ZGRF1: variants seen among roughly 807,000 people sequenced by gnomAD.
ZGRF1 encodes 5'-3' DNA helicase ZGRF1.
In ZGRF1, 196 loss-of-function variants were observed where a neutral mutation model predicts 203.5. The observed-to-expected ratio is 0.96, with a 90% CI of 0.86 to 1.08. The LOEUF is 1.08. Among genes scored for constraint, ZGRF1 ranks in the 50% least tolerant of loss-of-function variants. The probability of loss-of-function intolerance (pLI) is 0.00; values close to 1 mark genes in which losing one functional copy is unlikely to be tolerated. For missense variants in ZGRF1, 2,326 were observed against 2,416.3 expected (o/e 0.96, Z 0.78); for synonymous variants, 809 against 841.3 (o/e 0.96, Z 0.66).
rs78137362 is a variant in ZGRF1, at chr4:112,593,268, A to G, written c.2977-3394T>C. On this transcript the variant is annotated intron_variant, in intron 10 of 27. Transcript: ENST00000505019. ...TACTCCTTACATTTAATCCAGTAAC[A>G]TCCATGATTCTACCTCCAAGATTTG... Among the ~76,000 whole-genome samples, 232 of 152,214 alleles carry G rather than the reference A, an allele frequency of 1.5e-3. 2 individuals carry two copies. The East Asian group carries it at 0.028, about 18-fold the overall frequency.
intron 7 of ZGRF1, 34 bp downstream of exon 7, chr4:112,612,490 A>T (rs2046720625): frequency 1.5e-6 from 2 of 1,366,526 alleles, no homozygotes. Flanking sequence ...TTATCAAAAT[A>T]AAAAAAACAT....
chr4:112,631,380 A>T (rs1388287968), intron 3 of ZGRF1, among the ~76,000 whole-genome samples: 3 of 152,034 alleles, frequency 2.0e-5, no homozygotes, highest in African/African-American at 7.2e-5. Flanking sequence ...CATTAACAAT[A>T]GTCACTCAGC....
At chr4:112,554,185 T>G (rs1740503932) in intron 21 of ZGRF1, among the ~76,000 whole-genome samples, 1 of 148,366 alleles carries the variant, frequency 6.7e-6, no homozygotes, top group Non-Finnish European at 1.5e-5. Context: ...GTATATCTCC[T>G]AATGCTATCC....
chr4:112,610,555 A>G (rs1404517339), intron 7 of ZGRF1, among the ~76,000 whole-genome samples: 2 of 152,094 alleles, frequency 1.3e-5, no homozygotes, highest in Non-Finnish European at 2.9e-5. Flanking sequence ...TGGGCAATAG[A>G]GCAAGACTCC....
chr4:112,579,536 C>A (rs1745840104), intron 16 of ZGRF1, among the ~76,000 whole-genome samples: 1 of 121,820 alleles, frequency 8.2e-6, no homozygotes, highest in South Asian at 3.2e-4. Flanking sequence ...TCGTCTCAGC[C>A]CAAAATCTCC....
intron 8 of ZGRF1, 92 bp downstream of exon 8, chr4:112,609,287 T>TCA: frequency 2.1e-6 from 1 of 472,246 alleles, no homozygotes; most frequent in Non-Finnish European, 3.8e-6. Context: ...TCTCCTGACC[T>TCA]TGTGATCCAC....
chr4:112,580,403 C>T (rs1746009050), intron 16 of ZGRF1, among the ~76,000 whole-genome samples: 1 of 145,954 alleles, frequency 6.9e-6, no homozygotes, highest in African/African-American at 2.5e-5. Flanking sequence ...AAAGCAATGG[C>T]AACAAAAGAC....
chr4:112,607,413 T>C (rs2149110614), intron 8 of ZGRF1, among the ~76,000 whole-genome samples: 1 of 152,374 alleles, frequency 6.6e-6, no homozygotes, highest in Middle Eastern at 3.4e-3. Flanking sequence ...GGATTACCCG[T>C]GTGAGCCACT....
intron 2 of ZGRF1, 152 bp downstream of exon 2, chr4:112,633,004 G>T (rs1277009507): frequency 1.4e-6 from 1 of 717,710 alleles, no homozygotes; most frequent in South Asian, 1.6e-5. Flanking sequence ...GGTATGCATT[G>T]TTTATTTGAA....
chr4:112,585,491 C>A (rs753834000), intron 14 of ZGRF1, 50 bp downstream of exon 14: 2 of 1,483,104 alleles, frequency 1.3e-6, no homozygotes, highest in South Asian at 2.6e-5. Flanking sequence ...TATCTAAACC[C>A]TTTATAAGAC....
chr4:112,573,471 T>C (rs1744590916), intron 16 of ZGRF1, among the ~76,000 whole-genome samples: 1 of 152,112 alleles, frequency 6.6e-6, no homozygotes, highest in Non-Finnish European at 1.5e-5. Context: ...GATCAGGTGA[T>C]AGGTGTAGCA....
intron 6 of ZGRF1, among the ~76,000 whole-genome samples, chr4:112,614,108 T>A (rs1214366761): frequency 6.6e-6 from 1 of 152,092 alleles, no homozygotes; most frequent in Non-Finnish European, 1.5e-5. Context: ...AAATTTAGAG[T>A]TTTAACACTT....
intron 4 of ZGRF1, among the ~76,000 whole-genome samples, chr4:112,621,730 G>A (rs903550662): frequency 4.4e-5 from 4 of 90,196 alleles, no homozygotes; most frequent in Admixed American, 1.4e-4. Context: ...CTAATGAAAT[G>A]ATTTTTTTTT....
At chr4:112,559,532 C>G (rs975110876) in intron 19 of ZGRF1, among the ~76,000 whole-genome samples, 1 of 152,098 alleles carries the variant, frequency 6.6e-6, no homozygotes, top group Admixed American at 6.6e-5. Context: ...TAAAAAACAA[C>G]TTGAATGAAA....
At position 112,619,889 on chromosome 4, in the gene ZGRF1, T is replaced by C. The variant is rs2047008611; in HGVS notation, c.351+113A>G. 7 of 944,354 alleles carry C rather than the reference T, an allele frequency of 7.4e-6. No individual in the cohort carries two copies. In the South Asian group the frequency reaches 1.2e-4, roughly 16 times the overall value. 58.5% of individuals were successfully genotyped at this position (944,354 alleles called of 1,614,324 possible). On this transcript the variant is annotated intron_variant, in intron 5 of 27. Coordinates refer to ENST00000505019, the MANE Select transcript of ZGRF1 (RefSeq NM_018392.5). ...AGGGTTTACTTCCTTTCTACCTAAG[T>C]ATACTATGAAGTGCCCTTTGAATGA...
intron 4 of ZGRF1, among the ~76,000 whole-genome samples, chr4:112,622,402 C>T (rs2047089894): frequency 6.6e-6 from 1 of 151,644 alleles, no homozygotes; most frequent in South Asian, 2.1e-4. Flanking sequence ...CGCCTGTAAT[C>T]TCAGCTACTT....
At chr4:112,600,037 G>A (rs1749687675) in intron 10 of ZGRF1, among the ~76,000 whole-genome samples, 1 of 151,338 alleles carries the variant, frequency 6.6e-6, no homozygotes, top group South Asian at 2.1e-4. Flanking sequence ...ATGATCTTGA[G>A]GTAATGTTTT....
chr4:112,548,734 AG>A (rs1380631235), intron 22 of ZGRF1, among the ~76,000 whole-genome samples: 1 of 151,674 alleles, frequency 6.6e-6, no homozygotes, highest in Non-Finnish European at 1.5e-5. Context: ...ATATCAACAC[AG>A]GCCAAAGTTC....
At chr4:112,604,500 A>G (rs905266482) in intron 9 of ZGRF1, among the ~76,000 whole-genome samples, 2 of 152,316 alleles carry the variant, frequency 1.3e-5, no homozygotes, top group East Asian at 1.9e-4. Context: ...TGCTTCATCT[A>G]GGTACCACAC....
Sources: gnomAD v4.1 joint callset for allele counts (sites outside exome capture counted in the v4.1 genomes callset) on GRCh38, gnomAD v4.1.1 for gene constraint, MANE v1.5 for transcripts, NCBI Gene and HGNC (gene_info 2026-07-23, HGNC 2026-07-21) for gene names.